The following ITGBL1 variants were observed in gnomAD, a reference collection of about 807,000 sequenced individuals.
The protein encoded by ITGBL1 is integrin beta-like protein 1.
In ITGBL1, 51 loss-of-function variants were observed where a neutral mutation model predicts 68.5. The observed-to-expected ratio is 0.74, with a 90% CI of 0.59 to 0.94. The LOEUF is 0.94. Among genes scored for constraint, ITGBL1 ranks in the 40% least tolerant of loss-of-function variants. The pLI, the probability that ITGBL1 is intolerant of heterozygous loss-of-function variation, is 0.00. For missense variants in ITGBL1, 649 were observed against 647.4 expected (o/e 1.00, Z -0.03); for synonymous variants, 209 against 227.3 (o/e 0.92, Z 0.72).
At chr13:101,669,108 T>C (rs1437321437) in intron 7 of ITGBL1, among the ~76,000 whole-genome samples, 2 of 150,918 alleles carry the variant, frequency 1.3e-5, no homozygotes, top group African/African-American at 2.5e-5. Flanking sequence ...AGATACCTTT[T>C]TCGTTAAAAA....
intron 2 of ITGBL1, among the ~76,000 whole-genome samples, chr13:101,477,241 A>G (rs9557665): frequency 0.14 from 21,671 of 152,184 alleles, 2,058 homozygotes; most frequent in East Asian, 0.43. Context: ...CTCCTGAATG[A>G]CCAATGGGTC....
chr13:101,546,871 A>G (rs76492470), intron 2 of ITGBL1, among the ~76,000 whole-genome samples: 1 of 152,074 alleles, frequency 6.6e-6, no homozygotes, highest in African/African-American at 2.4e-5. Flanking sequence ...TTCATATCTT[A>G]CTGAAGATGC....
chr13:101,507,413 A>G (rs1033637528), intron 2 of ITGBL1, among the ~76,000 whole-genome samples: 1 of 152,198 alleles, frequency 6.6e-6, no homozygotes, highest in African/African-American at 2.4e-5. Flanking sequence ...TGTGTTGAAC[A>G]AAAAGATTTT....
At chr13:101,671,587 C>G (rs186038680) in intron 7 of ITGBL1, among the ~76,000 whole-genome samples, 1 of 150,096 alleles carries the variant, frequency 6.7e-6, no homozygotes, top group Non-Finnish European at 1.5e-5. Context: ...TACAGGCGCC[C>G]GCCACCACGC....
chr13:101,456,984 G>A lies in ITGBL1; in HGVS notation c.316+2884G>A, dbSNP rs530747055. ...ATCCTAGTCCTATTACTTAATAGCT[G>A]TATGAACTTGGGCAGTTACTTAAAC... On this transcript the variant is annotated intron_variant, in intron 2 of 10. Transcript: ENST00000376180. Among the ~76,000 whole-genome samples the A allele has an allele frequency of 8.5e-5, 13 of 152,288 alleles. No individual in the cohort carries two copies. The South Asian group carries it at 2.5e-3, about 29-fold the overall frequency.
intron 2 of ITGBL1, among the ~76,000 whole-genome samples, chr13:101,482,352 T>C (rs527801884): frequency 6.6e-6 from 1 of 150,950 alleles, no homozygotes; most frequent in African/African-American, 2.4e-5. Flanking sequence ...TTTTTTTTAC[T>C]ATATCTGAAG....
intron 2 of ITGBL1, among the ~76,000 whole-genome samples, chr13:101,457,683 T>C (rs2048263044): frequency 1.3e-5 from 2 of 152,060 alleles, no homozygotes; most frequent in African/African-American, 2.4e-5. Context: ...GGTGTGATGG[T>C]GTGCGCCTTG....
chr13:101,470,769 G>A (rs1349733553), intron 2 of ITGBL1, among the ~76,000 whole-genome samples: 1 of 152,190 alleles, frequency 6.6e-6, no homozygotes, highest in Non-Finnish European at 1.5e-5. Context: ...ATTCTATGGG[G>A]TGCCCTTAAA....
chr13:101,677,149 A>G (rs1349020459), intron 7 of ITGBL1, among the ~76,000 whole-genome samples: 1 of 152,210 alleles, frequency 6.6e-6, no homozygotes, highest in Admixed American at 6.5e-5. Context: ...ATAAATAATT[A>G]GCACTACTTA....
At chr13:101,719,634 G>A (rs1385024256), downstream of ITGBL1, 1 of 152,068 alleles carries the variant, frequency 6.6e-6, no homozygotes, top group Non-Finnish European at 1.5e-5. Flanking sequence ...GCGTTGTTGA[G>A]GGACTGGCAA....
chr13:101,600,456 C>G, intron 7 of ITGBL1, among the ~76,000 whole-genome samples: 1 of 152,110 alleles, frequency 6.6e-6, no homozygotes, highest in South Asian at 2.1e-4. Flanking sequence ...TTGCCCTGGC[C>G]AGAACTTCCA....
At chr13:101,691,425 C>T (rs1486877492) in intron 7 of ITGBL1, among the ~76,000 whole-genome samples, 1 of 152,040 alleles carries the variant, frequency 6.6e-6, no homozygotes, top group Non-Finnish European at 1.5e-5. Flanking sequence ...TTTTCTTTCC[C>T]CCATCATCCA....
chr13:101,535,886 G>T (rs967181796), intron 2 of ITGBL1, among the ~76,000 whole-genome samples: 1 of 152,022 alleles, frequency 6.6e-6, no homozygotes, highest in Non-Finnish European at 1.5e-5. Context: ...ACTATAAGTT[G>T]AATATTGATA....
chr13:101,469,459 A>G (rs970199852), intron 2 of ITGBL1, among the ~76,000 whole-genome samples: 2 of 152,226 alleles, frequency 1.3e-5, no homozygotes. Flanking sequence ...AGGCAGGTGG[A>G]TCACCTGAGG....
At position 101,453,866 on chromosome 13, in the gene ITGBL1, G is replaced by A; in HGVS notation, c.99-17G>A. ...CCGCGTCTGACCCGGCCTGCCGGTT[G>A]CTTGTCGCCCGCGCAGGAGCTGGCC... On this transcript the variant is annotated splice_polypyrimidine_tract_variant and intron_variant, in intron 1 of 10. Coordinates refer to ENST00000376180, the MANE Select transcript of ITGBL1 (RefSeq NM_004791.3). 8.1e-7 allele frequency: 1 copy of A among 1,234,794 alleles called. No individual in the cohort carries two copies. The highest frequency in any genetic ancestry group is 1.0e-6 in the Non-Finnish European group (1 of 991,088). The allele number at this position is 1,234,794 out of a possible 1,614,324, so 76.5% of individuals were successfully genotyped here.
At chr13:101,612,201 G>A (rs1446597531) in intron 7 of ITGBL1, among the ~76,000 whole-genome samples, 1 of 152,184 alleles carries the variant, frequency 6.6e-6, no homozygotes, top group Non-Finnish European at 1.5e-5. Flanking sequence ...CATGCCATGT[G>A]GATGTTGGTA....
intron 2 of ITGBL1, among the ~76,000 whole-genome samples, chr13:101,550,014 CTAGT>C (rs1432895381): frequency 6.6e-6 from 1 of 152,066 alleles, no homozygotes; most frequent in Non-Finnish European, 1.5e-5. Context: ...TGGTCAAAAA[CTAGT>C]TAGTTAATAA....
chr13:101,673,810 C>T (rs1389577812), intron 7 of ITGBL1, among the ~76,000 whole-genome samples: 3 of 152,118 alleles, frequency 2.0e-5, no homozygotes, highest in African/African-American at 7.2e-5. Context: ...TTGGACTTAA[C>T]AACGAACACT....
intron 2 of ITGBL1, among the ~76,000 whole-genome samples, chr13:101,469,209 A>G (rs1047878401): frequency 2.0e-5 from 3 of 152,156 alleles, no homozygotes; most frequent in African/African-American, 7.2e-5. Flanking sequence ...GCAAAGAGAG[A>G]GAAGAAAGGC....
Sources: allele counts gnomAD v4.1 joint callset (sites outside exome capture counted in the v4.1 genomes callset), GRCh38; gene constraint gnomAD v4.1.1; transcripts MANE v1.5; gene names NCBI Gene and HGNC (gene_info 2026-07-23, HGNC 2026-07-21).